The following SLC38A6 variants were observed in gnomAD, a reference collection of about 807,000 sequenced individuals.
SLC38A6 encodes the protein N system amino acid transporter NAT-1.
In SLC38A6, 73 loss-of-function variants were observed where a neutral mutation model predicts 65.0. That is an observed-to-expected ratio of 1.12 (90% CI 0.93 to 1.37). The LOEUF (loss-of-function observed/expected upper bound fraction) is 1.37. Ranked by LOEUF, SLC38A6 falls within the 40% of genes most tolerant of loss-of-function variation. The probability of loss-of-function intolerance (pLI) is 0.00; values close to 1 mark genes in which losing one functional copy is unlikely to be tolerated. For missense variants in SLC38A6, 561 were observed against 531.1 expected (o/e 1.06, Z -0.55); for synonymous variants, 183 against 178.8 (o/e 1.02, Z -0.19).
At chr14:60,999,805 A>C (rs1244543996) in intron 3 of SLC38A6, among the ~76,000 whole-genome samples, 2 of 152,226 alleles carry the variant, frequency 1.3e-5, no homozygotes, top group African/African-American at 4.8e-5. Context: ...CAGAGACTGC[A>C]AGAGGCAAGG....
chr14:60,991,029 A>G (rs912198589), intron 3 of SLC38A6, among the ~76,000 whole-genome samples: 3 of 152,212 alleles, frequency 2.0e-5, no homozygotes, highest in Non-Finnish European at 4.4e-5. Context: ...GCTACCACCC[A>G]TCTTCAGTTA....
intron 7 of SLC38A6, 148 bp downstream of exon 7, chr14:61,037,289 T>C: frequency 1.6e-6 from 1 of 630,752 alleles, no homozygotes; most frequent in Admixed American, 3.2e-5. Context: ...AAACTTGGCC[T>C]TATTTTAGGT....
chr14:60,996,929 A>G (rs2038336984), intron 3 of SLC38A6, among the ~76,000 whole-genome samples: 2 of 152,200 alleles, frequency 1.3e-5, no homozygotes, highest in Admixed American at 6.5e-5. Context: ...GAACAATGAC[A>G]TTTTCATATA....
chr14:61,019,595 G>A lies in SLC38A6; in HGVS notation c.403+15G>A. 2 of 1,612,008 alleles carry A rather than the reference G, an allele frequency of 1.2e-6. No individual in the cohort carries two copies. Among genetic ancestry groups the A allele is most frequent in the Non-Finnish European group, 1.7e-6 (2 of 1,178,256 alleles). Reference sequence around the variant, plus strand: ...GAATATTGGAGGTAAGCAATTGCAAGTGCACTGTTTATACATAAATGTGAT... The same window carrying A: ...GAATATTGGAGGTAAGCAATTGCAAATGCACTGTTTATACATAAATGTGAT... On this transcript the variant is annotated intron_variant, in intron 5 of 15. Transcript: ENST00000267488.
intron 16 of SLC38A6, among the ~76,000 whole-genome samples, chr14:61,079,262 G>C (rs1458930339): frequency 2.0e-5 from 3 of 148,734 alleles, no homozygotes; most frequent in African/African-American, 7.5e-5. Flanking sequence ...TCCACCTCCT[G>C]AGTAGCTGGG....
chr14:60,981,804 T>G, intron 1 of SLC38A6: 2 of 1,051,136 alleles, frequency 1.9e-6, no homozygotes, highest in Non-Finnish European at 1.3e-6. Context: ...AATAAACATT[T>G]TAATACAGAA....
chr14:60,994,653 G>A (rs1292081044), intron 3 of SLC38A6, among the ~76,000 whole-genome samples: 4 of 150,768 alleles, frequency 2.7e-5, no homozygotes, highest in Non-Finnish European at 5.9e-5. Flanking sequence ...GCAGTGAGCT[G>A]AGATCATGCC....
At chr14:61,045,713 G>A (rs1280490191) in intron 11 of SLC38A6, among the ~76,000 whole-genome samples, 1 of 151,846 alleles carries the variant, frequency 6.6e-6, no homozygotes, top group African/African-American at 2.4e-5. Context: ...GTGAAACCCC[G>A]TCTCTACTAA....
rs772995169 is a variant in SLC38A6 at position 61,030,407 on chromosome 14, A to G, written c.404-38A>G. On this transcript the variant is annotated intron_variant, in intron 5 of 15. Transcript: ENST00000267488. ...ATTATTGTTTAAATGGTTAAGAATC[A>G]TAGAATTCTAATAGGAACACTATTT... 5.5e-6 allele frequency: 8 copies of G among 1,459,724 alleles called. No individual in the cohort carries two copies. The South Asian group carries it at 7.3e-5, about 13-fold the overall frequency. The allele number at this position is 1,459,724 out of a possible 1,614,324, so 90.4% of individuals were successfully genotyped here.
intron 3 of SLC38A6, among the ~76,000 whole-genome samples, chr14:60,987,981 A>G (rs1312694985): frequency 6.6e-6 from 1 of 152,184 alleles, no homozygotes; most frequent in Non-Finnish European, 1.5e-5. Context: ...CTCATCCCAT[A>G]TGGCTGTCAT....
chr14:61,030,577 G>T, intron 6 of SLC38A6, 54 bp downstream of exon 6: 1 of 1,201,656 alleles, frequency 8.3e-7, no homozygotes, highest in Non-Finnish European at 1.2e-6. Context: ...TGATAAATAT[G>T]TATTAAGCTG....
chr14:61,007,401 A>G (rs912623550), intron 3 of SLC38A6, among the ~76,000 whole-genome samples: 1 of 152,168 alleles, frequency 6.6e-6, no homozygotes, highest in Admixed American at 6.5e-5. Flanking sequence ...AGGCCAAGGT[A>G]GGAGGATGGC....
At chr14:61,035,617 T>C (rs1219868121) in intron 6 of SLC38A6, among the ~76,000 whole-genome samples, 1 of 152,186 alleles carries the variant, frequency 6.6e-6, no homozygotes, top group African/African-American at 2.4e-5. Flanking sequence ...GCACGATCAC[T>C]AGCAATGTAT....
intron 5 of SLC38A6, among the ~76,000 whole-genome samples, chr14:61,026,095 T>C (rs548980098): frequency 3.3e-5 from 5 of 152,278 alleles, no homozygotes; most frequent in Middle Eastern, 3.4e-3. Flanking sequence ...AAGATTCTTA[T>C]CTTCATAAAC....
chr14:61,005,614 C>A (rs1351698483), intron 3 of SLC38A6, among the ~76,000 whole-genome samples: 1 of 152,118 alleles, frequency 6.6e-6, no homozygotes, highest in Non-Finnish European at 1.5e-5. Context: ...ACCTAGGAAT[C>A]CAACTTAGAA....
At chr14:61,031,819 G>A (rs1484561825) in intron 6 of SLC38A6, among the ~76,000 whole-genome samples, 4 of 151,790 alleles carry the variant, frequency 2.6e-5, no homozygotes, top group Non-Finnish European at 5.9e-5. Context: ...GGCAATATGA[G>A]GTAGAATAAA....
chr14:60,986,115 A>C (rs1250642720), intron 3 of SLC38A6, among the ~76,000 whole-genome samples: 1 of 152,224 alleles, frequency 6.6e-6, no homozygotes, highest in Non-Finnish European at 1.5e-5. Flanking sequence ...TATATCAGTG[A>C]GACTATTCTG....
At chr14:61,046,909 C>T (rs978711633) in intron 12 of SLC38A6, among the ~76,000 whole-genome samples, 2 of 152,048 alleles carry the variant, frequency 1.3e-5, no homozygotes, top group Non-Finnish European at 1.5e-5. Context: ...AACAGATTGT[C>T]AAGCTTTTCT....
In SLC38A6 at chr14:61,014,443, G is replaced by A. The variant is rs182172595; in HGVS notation, c.311-1461G>A. ...TGATGGTGAGGAGCTGCTTTCCTTT[G>A]GAGGAACAGAGGTGCTCTGATTTTT... On this transcript the variant is annotated intron_variant, in intron 3 of 15. Transcript: ENST00000267488. Among the ~76,000 whole-genome samples, 248 of 152,278 alleles carry A rather than the reference G, an allele frequency of 1.6e-3. 1 individual carries two copies. The South Asian group carries it at 0.021, about 13-fold the overall frequency.
Sources: allele counts gnomAD v4.1 joint callset (sites outside exome capture counted in the v4.1 genomes callset), GRCh38; gene constraint gnomAD v4.1.1; transcripts MANE v1.5; gene names NCBI Gene and HGNC (gene_info 2026-07-23, HGNC 2026-07-21).